The following BPIFB6 variants were observed in gnomAD, a reference collection of about 807,000 sequenced individuals.
BPIFB6 encodes BPI fold-containing family B member 6.
In BPIFB6, 47 loss-of-function variants were observed where a neutral mutation model predicts 54.7. The ratio of observed to expected loss-of-function variants is 0.86; its 90% confidence interval spans 0.68 to 1.10. The LOEUF (loss-of-function observed/expected upper bound fraction) is 1.10, where lower values mean the gene tolerates loss of function less well. BPIFB6 is among the 50% of genes least tolerant of loss of function. The probability of loss-of-function intolerance (pLI) is 0.00; values close to 1 mark genes in which losing one functional copy is unlikely to be tolerated. For missense variants in BPIFB6, 603 were observed against 564.1 expected (o/e 1.07, Z -0.70); for synonymous variants, 255 against 225.9 (o/e 1.13, Z -1.16).
At chr20:33,039,048 GC>G in intron 9 of BPIFB6, 86 bp downstream of exon 9, 1 of 1,410,484 alleles carries the variant, frequency 7.1e-7, no homozygotes, top group Non-Finnish European at 1.0e-6. Context: ...TTGGGAGACA[GC>G]TTTTCATGCC....
chr20:33,043,999 C>A lies in BPIFB6; in HGVS notation c.1330-16C>A. On this transcript the variant is annotated splice_polypyrimidine_tract_variant and intron_variant, in intron 14 of 14. Coordinates refer to ENST00000349552, the MANE Select transcript of BPIFB6 (RefSeq NM_174897.2). ...GTCCCTGGTCATTGCTCTCCTACCC[C>A]TTTGCCTTTTGCCAGAATGCCCTGA... 6.2e-7 allele frequency: 1 copy of A among 1,614,196 alleles called. No individual in the cohort carries two copies. The highest frequency in any genetic ancestry group is 8.5e-7 in the Non-Finnish European group (1 of 1,180,024).
chr20:33,043,442 T>C, intron 14 of BPIFB6, 75 bp downstream of exon 14: 3 of 1,399,956 alleles, frequency 2.1e-6, no homozygotes, highest in Non-Finnish European at 3.0e-6. Flanking sequence ...AGCCTACCTC[T>C]CTCAAACTGG....
intron 2 of BPIFB6, chr20:33,033,600 A>T (rs1009901468): frequency 8.8e-6 from 4 of 456,738 alleles, no homozygotes; most frequent in Non-Finnish European, 1.8e-5. Flanking sequence ...AGAGCTCAGG[A>T]TGGGCAAGTG....
intron 3 of BPIFB6, 130 bp downstream of exon 3, chr20:33,034,420 C>T (rs1187405654): frequency 2.8e-6 from 2 of 726,660 alleles, no homozygotes; most frequent in Non-Finnish European, 4.8e-6. Context: ...GACTTGGTCC[C>T]TACCTTTGTC....
Position 33,039,571 on chromosome 20 carries a change from A to G in BPIFB6, c.1074+51A>G, listed in dbSNP as rs370448245. 67 of 1,544,336 alleles carry G rather than the reference A, an allele frequency of 4.3e-5. No individual in the cohort carries two copies. The African/African-American group carries it at 8.9e-4, about 20-fold the overall frequency. ...TTTATTCCCAATCTCTTGGATATTC[A>G]GGGCTGGAGGATGGGATTTTTAGTT... On this transcript the variant is annotated intron_variant, in intron 10 of 14. Coordinates refer to ENST00000349552, the MANE Select transcript of BPIFB6 (RefSeq NM_174897.2).
In BPIFB6 at chr20:33,035,621, G is replaced by C. The variant is rs151337960; in HGVS notation, c.526G>C (p.Ala176Pro). ...HKVLPGLMCP[A>P]IDAVLVYVNR... ...CCTTCTCTGCTTCCAGATGTGTCCC[G>C]CCATCGATGCAGTCCTGGTGTATGT... The change falls in exon 6 of 15, where the codon GCC becomes CCC. Residue 176 changes from alanine (A) to proline (P), a missense_variant. Transcript: ENST00000349552. 6.2e-7 allele frequency: 1 copy of C among 1,614,084 alleles called. No individual in the cohort carries two copies. Among genetic ancestry groups the C allele is most frequent in the Non-Finnish European group, 8.5e-7 (1 of 1,179,998 alleles).
chr20:33,043,461 G>C (rs1265212962), intron 14 of BPIFB6, 94 bp downstream of exon 14: 3 of 1,193,690 alleles, frequency 2.5e-6, no homozygotes, highest in African/African-American at 3.0e-5. Context: ...GGAAAGGGTA[G>C]AGCCTGGGAG....
Position 33,037,723 on chromosome 20 carries a change from T to C in BPIFB6, c.831T>C (p.Asn277=), listed in dbSNP as rs1281750369. 1 of 1,614,088 alleles carries C rather than the reference T, an allele frequency of 6.2e-7. No individual in the cohort carries two copies. The highest frequency in any genetic ancestry group is 8.5e-7 in the Non-Finnish European group (1 of 1,180,042). The change falls in exon 8 of 15, where the codon AAT becomes AAC. Residue 277 remains asparagine (N), a synonymous_variant. Transcript: ENST00000349552. ...TTCTGCAGAAGTCCTTTCATGTGAA[T>C]ATCCAGGATACAATGGTGAGCTGTC... ...LALLQKSFHV[N]IQDTMIGELP...
intron 11 of BPIFB6, among the ~76,000 whole-genome samples, chr20:33,041,017 T>C (rs1309614989): frequency 7.2e-6 from 1 of 139,356 alleles, no homozygotes; most frequent in African/African-American, 2.7e-5. Context: ...TGAGACAGAG[T>C]CTCGCTCTGT....
chr20:33,038,823 G>A, intron 8 of BPIFB6, 86 bp from the exon 9 acceptor site: 1 of 1,299,212 alleles, frequency 7.7e-7, no homozygotes, highest in South Asian at 1.2e-5. Context: ...GCCTCAAAGG[G>A]TACACCTTGT....
chr20:33,034,630 C>A, intron 3 of BPIFB6, 133 bp from the exon 4 acceptor site: 1 of 1,034,850 alleles, frequency 9.7e-7, no homozygotes, highest in African/African-American at 1.6e-5. Context: ...GGTCCCATCC[C>A]CTTTTCTGTC....
At position 33,037,628 on chromosome 20, in the gene BPIFB6, C is replaced by T; in HGVS notation, c.736C>T (p.Pro246Ser). 6.2e-7 allele frequency: 1 copy of T among 1,614,098 alleles called. No individual in the cohort carries two copies. The highest frequency in any genetic ancestry group is 1.1e-5 in the South Asian group (1 of 91,070). The stretch of plus-strand genomic sequence containing the variant: ...TGATGCCGGGGAGGCCCTCACGTTC[C>T]CTGAGGGTTATGCCAAAGGCTCGTC... ...LADAGEALTFPEGYAKGSSQL... is the reference protein window; with the variant it reads ...LADAGEALTFSEGYAKGSSQL... Residue 246 changes from proline to serine, a missense_variant, in exon 8 of 15, where the codon CCT (proline) becomes TCT (serine). Physicochemically the swap from Pro to Ser is moderately conservative, Grantham distance 74. Coordinates refer to ENST00000349552, the MANE Select transcript of BPIFB6 (RefSeq NM_174897.2).
rs907961122 is a variant in BPIFB6 at position 33,038,767 on chromosome 20, A to G, written c.847-142A>G. 4.0e-5 allele frequency: 33 copies of G among 815,920 alleles called. 1 individual carries two copies. In the South Asian group the frequency reaches 4.3e-4, roughly 11 times the overall value. The allele number at this position is 815,920 out of a possible 1,614,324, so 50.5% of individuals were successfully genotyped here. ...TCATCACCTGGGCTGCCCAGAAGGC[A>G]CAATATTTAGTTAAACTCAGAGCGT... On this transcript the variant is annotated intron_variant, in intron 8 of 14. Coordinates refer to ENST00000349552, the MANE Select transcript of BPIFB6 (RefSeq NM_174897.2).
At position 33,037,756 on chromosome 20, in the gene BPIFB6, C is replaced by A. The variant is rs1979407256; in HGVS notation, c.846+18C>A. 1.2e-6 allele frequency: 2 copies of A among 1,611,796 alleles called. No individual in the cohort carries two copies. Among genetic ancestry groups the A allele is most frequent in the African/African-American group, 2.7e-5 (2 of 74,988 alleles). ...ATACAATGGTGAGCTGTCCAGTTCC[C>A]CATTTCCATCTGCCTCTGTCCATTA... is the stretch of plus-strand genomic sequence containing the variant. On this transcript the variant is annotated intron_variant, in intron 8 of 14. Transcript: ENST00000349552.
At chr20:33,039,267 A>C (rs757793611) in intron 9 of BPIFB6, 80 bp from the exon 10 acceptor site, 79 of 1,391,328 alleles carry the variant, frequency 5.7e-5, no homozygotes, top group Admixed American at 9.1e-5. Context: ...GAAATCACCT[A>C]TGTCTTGAGG....
At chr20:33,036,780 C>T (rs958939846) in intron 7 of BPIFB6, among the ~76,000 whole-genome samples, 20 of 152,180 alleles carry the variant, frequency 1.3e-4, no homozygotes, top group Non-Finnish European at 7.3e-5. Flanking sequence ...TCATGATCCC[C>T]GCTAGGCTGT....
chr20:33,032,282 C>A (rs1395276394), intron 1 of BPIFB6, among the ~76,000 whole-genome samples: 1 of 152,200 alleles, frequency 6.6e-6, no homozygotes, highest in African/African-American at 2.4e-5. Flanking sequence ...CATCCAGGTA[C>A]AAAAGGCTAA....
intron 1 of BPIFB6, 83 bp downstream of exon 1, chr20:33,031,827 A>C (rs1007881627): frequency 5.7e-6 from 6 of 1,057,036 alleles, no homozygotes; most frequent in Non-Finnish European, 8.7e-6. Flanking sequence ...TTGGTTGCAC[A>C]TCCTGGAGCA....
chr20:33,032,926 G>C, intron 1 of BPIFB6, 58 bp from the exon 2 acceptor site: 3 of 1,399,978 alleles, frequency 2.1e-6, no homozygotes, highest in Non-Finnish European at 3.0e-6. Context: ...TGAGTGGCCT[G>C]GGATACCTGA....
Sources: allele counts gnomAD v4.1 joint callset (sites outside exome capture counted in the v4.1 genomes callset), GRCh38; gene constraint gnomAD v4.1.1; transcripts MANE v1.5; gene names NCBI Gene and HGNC (gene_info 2026-07-23, HGNC 2026-07-21).